Variants in TMEM181 observed in about 807,000 individuals in gnomAD.
TMEM181 encodes the protein transmembrane protein 181.
In TMEM181, 39 loss-of-function variants were observed where a neutral mutation model predicts 71.9. The observed-to-expected ratio is 0.54, with a 90% CI of 0.42 to 0.71. The LOEUF is 0.71. Ranked by LOEUF, TMEM181 falls within the 30% of genes least tolerant of loss-of-function variation. The pLI is 0.00. For missense variants in TMEM181, 595 were observed against 583.0 expected, an observed-to-expected ratio of 1.02 and a Z score of -0.21; for synonymous variants, 245 against 228.8, an observed-to-expected ratio of 1.07 and a Z score of -0.64.
rs1451021049 is a variant in TMEM181, at chr6:158,560,185, C to A, written c.-40C>A. 1 of 984,788 alleles carries A rather than the reference C, an allele frequency of 1.0e-6. No individual in the cohort carries two copies. Among genetic ancestry groups the A allele is most frequent in the Non-Finnish European group, 1.2e-6 (1 of 829,724 alleles). The allele number at this position is 984,788 out of a possible 1,614,324, so 61.0% of individuals were successfully genotyped here. A position where few individuals can be genotyped will look rare whatever the true frequency, so the allele number is the denominator to read the frequency against. ...GCTGCTGCGCGGCGCCTGGCGGGCTCGGGACGCGCGGGCCGGGGCCGAGGG... is the reference window on the plus strand; with the variant it reads ...GCTGCTGCGCGGCGCCTGGCGGGCTAGGGACGCGCGGGCCGGGGCCGAGGG... On this transcript the variant is annotated 5_prime_UTR_variant, in exon 1 of 17. Transcript: ENST00000684151.
intron 1 of TMEM181, among the ~76,000 whole-genome samples, chr6:158,570,786 G>C (rs983032336): frequency 6.6e-6 from 1 of 151,976 alleles, no homozygotes; most frequent in African/African-American, 2.4e-5. Context: ...ACTGTTAACT[G>C]AACTAAAGGC....
At chr6:158,584,997 A>G (rs771894764) in intron 4 of TMEM181, among the ~76,000 whole-genome samples, 7 of 152,218 alleles carry the variant, frequency 4.6e-5, no homozygotes, top group Non-Finnish European at 8.8e-5. Flanking sequence ...TTAAAAATGT[A>G]TGTGAGAAAT....
rs1786098974 is a variant in TMEM181 at position 158,623,577 on chromosome 6, C to T, written c.924C>T (p.Tyr308=). ...TTAACGAATTACATGATCCAATGTA[C>T]CAGTATCGAGTTGATACCGGAAATT... The part of the protein sequence containing the change: ...QTVNELHDPM[Y]QYRVDTGNFQ... The change falls in exon 11 of 17, where the codon TAC becomes TAT. Residue 308 remains tyrosine, a synonymous_variant. Transcript: ENST00000684151. 1.9e-6 allele frequency: 3 copies of T among 1,582,668 alleles called. No homozygotes were observed. Among genetic ancestry groups the T allele is most frequent in the South Asian group, 2.4e-5 (2 of 84,176 alleles).
At chr6:158,546,075 C>G (rs1781517989) in intron 1 of TMEM181, among the ~76,000 whole-genome samples, 1 of 152,186 alleles carries the variant, frequency 6.6e-6, no homozygotes, top group African/African-American at 2.4e-5. Flanking sequence ...TAAACCCATG[C>G]TCTTCGGTGA....
At chr6:158,578,572 G>A (rs941822070) in intron 2 of TMEM181, among the ~76,000 whole-genome samples, 1 of 152,160 alleles carries the variant, frequency 6.6e-6, no homozygotes, top group African/African-American at 2.4e-5. Context: ...GTTGAAAGAG[G>A]CGGGGATGGA....
intron 2 of TMEM181, among the ~76,000 whole-genome samples, chr6:158,577,093 A>T (rs571734675): frequency 1.3e-5 from 2 of 151,860 alleles, no homozygotes; most frequent in African/African-American, 4.8e-5. Context: ...GTCACAAGGC[A>T]AACAATGAAG....
chr6:158,584,065 G>C (rs1783624848), intron 4 of TMEM181, 21 bp downstream of exon 4: 2 of 1,571,738 alleles, frequency 1.3e-6, no homozygotes, highest in Non-Finnish European at 1.7e-6. Context: ...TGACATTTTG[G>C]AATGATTTTT....
At chr6:158,615,779 A>C (rs1452590279) in intron 10 of TMEM181, among the ~76,000 whole-genome samples, 4 of 152,202 alleles carry the variant, frequency 2.6e-5, no homozygotes, top group African/African-American at 7.2e-5. Context: ...AGGTTTGTCA[A>C]AGATCAGATG....
rs375780117 is a variant in TMEM181, at chr6:158,608,392, C to T, written c.733C>T (p.Leu245Phe). 9 of 1,614,136 alleles carry T rather than the reference C, an allele frequency of 5.6e-6. No homozygotes were observed. In the African/African-American group the frequency reaches 8.0e-5, roughly 14 times the overall value. Residue 245 changes from leucine to phenylalanine, a missense_variant, in exon 9 of 17, where the codon CTC (leucine) becomes TTC (phenylalanine). Physicochemically the swap from Leu to Phe is conservative, Grantham distance 22 (BLOSUM62 0). Transcript: ENST00000684151. ...NSWLPGMLDD[L>F]FQSMFLCALL... ...CTGGCTCCCAGGGATGCTGGATGAC[C>T]TCTTTCAGTCCATGTTCCTGTGCGC...
chr6:158,626,423 C>A, intron 13 of TMEM181: 1 of 456,672 alleles, frequency 2.2e-6, no homozygotes, highest in Non-Finnish European at 4.4e-6. Context: ...TGCTGCTTGC[C>A]TTTTTAGGTT....
At chr6:158,594,365 C>G (rs1238913934) in intron 6 of TMEM181, among the ~76,000 whole-genome samples, 1 of 152,098 alleles carries the variant, frequency 6.6e-6, no homozygotes, top group Non-Finnish European at 1.5e-5. Flanking sequence ...TCCGAAAGTG[C>G]TGGGATTACA....
At chr6:158,558,575 A>C (rs1301336507), upstream of TMEM181, among the ~76,000 whole-genome samples, 1 of 152,224 alleles carries the variant, frequency 6.6e-6, no homozygotes, top group Non-Finnish European at 1.5e-5. Context: ...TATTTGAATC[A>C]GCTAACCACC....
rs1364215499 is a variant in TMEM181, at chr6:158,628,456, T to G, written c.1158T>G (p.Asn386Lys). 4 of 1,614,080 alleles carry G rather than the reference T, an allele frequency of 2.5e-6. No individual in the cohort carries two copies. Among genetic ancestry groups the G allele is most frequent in the African/African-American group, 1.3e-5 (1 of 74,940 alleles). The change falls in exon 14 of 17, where the codon AAT becomes AAG. Residue 386 changes from asparagine to lysine, a missense_variant. By Grantham distance (94) the Asn-to-Lys change is moderately conservative (BLOSUM62 0). Coordinates refer to ENST00000684151, the MANE Select transcript of TMEM181 (RefSeq NM_001376852.1). ...LRFGAQVLQDNFVAELSTHYQ... is the reference protein window; with the variant it reads ...LRFGAQVLQDKFVAELSTHYQ... Reference sequence around the variant, plus strand: ...TTGGGGCGCAAGTACTACAAGACAATTTTGTAGCAGAGCTGTCAACTCACT... The same window carrying G: ...TTGGGGCGCAAGTACTACAAGACAAGTTTGTAGCAGAGCTGTCAACTCACT...
At chr6:158,557,028 C>T (rs1157923285), upstream of TMEM181, among the ~76,000 whole-genome samples, 2 of 152,170 alleles carry the variant, frequency 1.3e-5, no homozygotes, top group African/African-American at 4.8e-5. Flanking sequence ...GCATGAGCCA[C>T]TGCACCTGGC....
chr6:158,555,102 G>A (rs1432358064), upstream of TMEM181, among the ~76,000 whole-genome samples: 1 of 152,168 alleles, frequency 6.6e-6, no homozygotes, highest in Non-Finnish European at 1.5e-5. Context: ...AGTAACAAAT[G>A]TATCTTTTGT....
In TMEM181 at chr6:158,623,607, G is replaced by C; in HGVS notation, c.954G>C (p.Gln318His). 1.3e-6 allele frequency: 2 copies of C among 1,576,300 alleles called. No individual in the cohort carries two copies. The highest frequency in any genetic ancestry group is 8.6e-7 in the Non-Finnish European group (1 of 1,157,418). The change falls in exon 11 of 17, where the codon CAG (glutamine) becomes CAC (histidine). Residue 318 changes from glutamine to histidine, a missense_variant and splice_region_variant. Coordinates refer to ENST00000684151, the MANE Select transcript of TMEM181 (RefSeq NM_001376852.1). ...ATCGAGTTGATACCGGAAATTTTCA[G>C]GTAAGGATTGTTAATGAGGCCTGCA... ...YQYRVDTGNF[Q>H]GMKVFFMVVA...
rs573758878 is a variant in TMEM181, at chr6:158,586,437, A to G, written c.381+1012A>G. Among the ~76,000 whole-genome samples, 299 of 152,340 alleles carry G rather than the reference A, an allele frequency of 2.0e-3. 2 individuals carry two copies. The highest frequency in any genetic ancestry group is 3.1e-3 in the Non-Finnish European group (213 of 68,030). ...ATTGTCTCATTCAGTCCTCATGGCAAGTCCATGAAGTAGAAACTACTGTTA... is the reference window on the plus strand; with the variant it reads ...ATTGTCTCATTCAGTCCTCATGGCAGGTCCATGAAGTAGAAACTACTGTTA... On this transcript the variant is annotated intron_variant, in intron 5 of 16. Transcript: ENST00000684151.
At chr6:158,537,587 C>T (rs956677035) in intron 1 of TMEM181, among the ~76,000 whole-genome samples, 1 of 152,320 alleles carries the variant, frequency 6.6e-6, no homozygotes, top group East Asian at 1.9e-4. Context: ...CTGTTCACCG[C>T]CAATGGCCGA....
intron 6 of TMEM181, among the ~76,000 whole-genome samples, chr6:158,591,920 A>G (rs1784132564): frequency 3.3e-5 from 5 of 152,168 alleles, no homozygotes; most frequent in Admixed American, 3.3e-4. Flanking sequence ...TGAACTAGGT[A>G]CATGCCATTC....
Sources: allele counts gnomAD v4.1 joint callset (sites outside exome capture counted in the v4.1 genomes callset), GRCh38; gene constraint gnomAD v4.1.1; transcripts MANE v1.5; gene names NCBI Gene and HGNC (gene_info 2026-07-23, HGNC 2026-07-21).